Variants in PREP observed in about 807,000 individuals in gnomAD.
PREP encodes the protein dJ355L5.1 (prolyl endopeptidase).
In PREP, 29 loss-of-function variants were observed where a neutral mutation model predicts 87.6. That is an observed-to-expected ratio of 0.33 (90% CI 0.25 to 0.45). The LOEUF is 0.45. Ranked by LOEUF, PREP falls within the 20% of genes least tolerant of loss-of-function variation. The probability of loss-of-function intolerance (pLI) is 1.00; values close to 1 mark genes in which losing one functional copy is unlikely to be tolerated. For synonymous variants in PREP, 337 were observed against 328.6 expected (o/e 1.03, Z -0.28); for missense variants, 695 against 886.5 (o/e 0.78, Z 2.74).
chr6:105,386,596 C>G (rs1422124904), intron 2 of PREP, among the ~76,000 whole-genome samples: 1 of 152,112 alleles, frequency 6.6e-6, no homozygotes, highest in African/African-American at 2.4e-5. Flanking sequence ...ATGCTATAAA[C>G]AACAGTGAGG....
chr6:105,368,827 C>T (rs375537366), intron 6 of PREP, 76 bp downstream of exon 6: 3 of 1,546,160 alleles, frequency 1.9e-6, no homozygotes, highest in African/African-American at 1.4e-5. Context: ...ATAAAGGTCA[C>T]CACATAATAA....
chr6:105,281,972 A>T, intron 13 of PREP, 70 bp from the exon 14 acceptor site: 1 of 1,543,504 alleles, frequency 6.5e-7, no homozygotes, highest in East Asian at 2.3e-5. Context: ...AAGGCAAGGC[A>T]ATACTTACTT....
rs753196436 is a variant in PREP at position 105,397,920 on chromosome 6, T to C, written c.53A>G (p.Asp18Gly). The C allele has an allele frequency of 6.2e-7, 1 of 1,609,228 alleles. No individual in the cohort carries two copies. Among genetic ancestry groups the C allele is most frequent in the Non-Finnish European group, 8.5e-7 (1 of 1,175,596 alleles). Residue 18 changes from aspartate (D) to glycine (G), a missense_variant, in exon 2 of 15, where the codon GAT becomes GGT. Physicochemically the swap from Asp to Gly is moderately conservative, Grantham distance 94 (BLOSUM62 -1). Around this residue, in one of 5 missense-constraint regions of PREP, gnomAD observed 517 missense variants for 620.3 expected, o/e 0.83. Coordinates refer to ENST00000652536, the MANE Select transcript of PREP (RefSeq NM_002726.5). ...GTCACAAATTTTATGACCATGATAATCCTGTACCTGTAAAAAACAAAATGA... is the reference window on the plus strand; with the variant it reads ...GTCACAAATTTTATGACCATGATAACCCTGTACCTGTAAAAAACAAAATGA... ...DVYRDETAVQ[D>G]YHGHKICDPY...
In PREP at chr6:105,282,539, C is replaced by G; in HGVS notation, c.1593G>C (p.Gln531His). 1 of 1,614,158 alleles carries G rather than the reference C, an allele frequency of 6.2e-7. No homozygotes were observed. The highest frequency in any genetic ancestry group is 8.5e-7 in the Non-Finnish European group (1 of 1,180,014). The change falls in exon 13 of 15, where the codon CAG (glutamine) becomes CAC (histidine). Residue 531 changes from glutamine (Q) to histidine (H), a missense_variant. By Grantham distance (24) the Gln-to-His change is conservative. Coordinates refer to ENST00000652536, the MANE Select transcript of PREP (RefSeq NM_002726.5). Reference protein sequence around the residue: ...ANKQNCFDDFQCAAEYLIKEG... With the variant: ...ANKQNCFDDFHCAAEYLIKEG... The stretch of plus-strand genomic sequence containing the variant: ...CCTTGATCAGATACTCAGCAGCACA[C>G]TGAAAGTCATCAAAGCAGTTTTGTT...
chr6:105,352,947 A>C, intron 7 of PREP, 25 bp downstream of exon 7: 1 of 1,562,314 alleles, frequency 6.4e-7, no homozygotes, highest in Non-Finnish European at 8.8e-7. Flanking sequence ...TGGAATAACT[A>C]TCTGTGTCTG....
chr6:105,397,676 C>T lies in PREP; in HGVS notation c.120+177G>A, dbSNP rs765537750. Among the ~76,000 whole-genome samples, 95 of 152,096 alleles carry T rather than the reference C, an allele frequency of 6.2e-4. 3 individuals carry two copies. Among genetic ancestry groups the T allele is most frequent in the Non-Finnish European group, 2.9e-5 (2 of 68,018 alleles). On this transcript the variant is annotated intron_variant, in intron 2 of 14. Coordinates refer to ENST00000652536, the MANE Select transcript of PREP (RefSeq NM_002726.5). The stretch of plus-strand genomic sequence containing the variant: ...TGATCTTCTCTGGGACTAAGCCATG[C>T]TTTTGTCTTTTTCCCATAAATTATT...
At chr6:105,343,578 C>G (rs1445469509) in intron 7 of PREP, among the ~76,000 whole-genome samples, 2 of 152,158 alleles carry the variant, frequency 1.3e-5, no homozygotes, top group Admixed American at 1.3e-4. Context: ...ACTACCATCA[C>G]AGTGAACAGG....
intron 10 of PREP, among the ~76,000 whole-genome samples, chr6:105,296,162 T>G (rs1770405819): frequency 6.6e-6 from 1 of 152,246 alleles, no homozygotes; most frequent in African/African-American, 2.4e-5. Flanking sequence ...TGGATTTTAA[T>G]TTTTACTAGT....
chr6:105,391,034 T>TACACACACACAC (rs59538588), intron 2 of PREP, among the ~76,000 whole-genome samples: 5,994 of 141,272 alleles, frequency 0.042, 464 homozygotes, highest in African/African-American at 0.16. Flanking sequence ...TCTGGTTTTA[T>TACACACACACAC]ACACACACAC....
intron 1 of PREP, among the ~76,000 whole-genome samples, chr6:105,398,997 C>A (rs1432705779): frequency 6.6e-6 from 1 of 152,004 alleles, no homozygotes; most frequent in Non-Finnish European, 1.5e-5. Flanking sequence ...ATCCCAGCTA[C>A]TCGGGAGGCT....
intron 1 of PREP, among the ~76,000 whole-genome samples, chr6:105,401,177 T>C (rs1773420426): frequency 6.6e-6 from 1 of 152,176 alleles, no homozygotes; most frequent in African/African-American, 2.4e-5. Context: ...CTTAAACCTT[T>C]CATGAAATAT....
intron 5 of PREP, among the ~76,000 whole-genome samples, chr6:105,369,659 T>C (rs1334354481): frequency 1.3e-5 from 2 of 152,058 alleles, no homozygotes; most frequent in African/African-American, 4.8e-5. Flanking sequence ...TAAAAAAAGG[T>C]GCTGGGACAA....
rs1267629916 is a variant in PREP, at chr6:105,274,321, A to G, written c.*3823T>C. Among the ~76,000 whole-genome samples the G allele has an allele frequency of 6.6e-6, 1 of 152,056 alleles. No individual in the cohort carries two copies. Among genetic ancestry groups the G allele is most frequent in the Non-Finnish European group, 1.5e-5 (1 of 68,014 alleles). On this transcript the variant is annotated 3_prime_UTR_variant, in exon 15 of 15. Transcript: ENST00000652536. ...GCGGGGGGGTCTCTCCTTGGGCTCTAATATAAAGGCACCAGTCCCATTCAT... is the reference window on the plus strand; with the variant it reads ...GCGGGGGGGTCTCTCCTTGGGCTCTGATATAAAGGCACCAGTCCCATTCAT...
intron 7 of PREP, among the ~76,000 whole-genome samples, chr6:105,349,781 C>T (rs1451708866): frequency 6.6e-6 from 1 of 151,146 alleles, no homozygotes; most frequent in African/African-American, 2.4e-5. Context: ...TTTCAGGCAC[C>T]AGTTGTTCAG....
At chr6:105,318,406 T>C (rs1401023847) in intron 10 of PREP, among the ~76,000 whole-genome samples, 2 of 152,144 alleles carry the variant, frequency 1.3e-5, no homozygotes, top group Non-Finnish European at 1.5e-5. Context: ...AGAATTTATG[T>C]ACAGTGGAGC....
chr6:105,331,671 G>A (rs1194260929), intron 8 of PREP, among the ~76,000 whole-genome samples: 1 of 152,120 alleles, frequency 6.6e-6, no homozygotes, highest in Non-Finnish European at 1.5e-5. Flanking sequence ...CCTCAGTTTG[G>A]ACAGAAGCCA....
intron 2 of PREP, among the ~76,000 whole-genome samples, chr6:105,383,226 ATATC>A (rs1772893720): frequency 6.6e-6 from 1 of 151,424 alleles, no homozygotes; most frequent in African/African-American, 2.4e-5. Flanking sequence ...TCCAAGGCTA[ATATC>A]TATGCCAAGG....
chr6:105,309,069 G>A (rs185575772), intron 10 of PREP, among the ~76,000 whole-genome samples: 7 of 152,232 alleles, frequency 4.6e-5, no homozygotes, highest in Admixed American at 2.0e-4. Flanking sequence ...AAGGAGGCCA[G>A]AGCGGCTGCA....
At chr6:105,368,347 T>G (rs1364713923) in intron 6 of PREP, among the ~76,000 whole-genome samples, 2 of 152,172 alleles carry the variant, frequency 1.3e-5, no homozygotes, top group Non-Finnish European at 2.9e-5. Flanking sequence ...CAGACTAAAT[T>G]CTAGGCCAGT....
Sources: gnomAD v4.1 joint callset for allele counts (sites outside exome capture counted in the v4.1 genomes callset) on GRCh38, gnomAD v4.1.1 for gene constraint, gnomAD v4.1.1 regional missense constraint, MANE v1.5 for transcripts, NCBI Gene and HGNC (gene_info 2026-07-23, HGNC 2026-07-21) for gene names.